Variants in POMK observed in about 807,000 individuals in gnomAD.
POMK encodes the protein Sugen kinase 196.
POMK carries 19 observed loss-of-function variants against 23.0 expected under a neutral mutation model. The ratio of observed to expected loss-of-function variants is 0.83; its 90% CI spans 0.58 to 1.21. The LOEUF (loss-of-function observed/expected upper bound fraction) is 1.21. Among genes scored for constraint, POMK ranks in the 50% most tolerant of loss-of-function variants. POMK has a pLI of 0.00. For missense variants in POMK, 410 were observed against 431.3 expected (o/e 0.95, Z 0.44); for synonymous variants, 173 against 171.6 (o/e 1.01, Z -0.06).
intron 4 of POMK, among the ~76,000 whole-genome samples, chr8:43,110,758 A>G (rs1260333505): frequency 6.6e-6 from 1 of 152,180 alleles, no homozygotes; most frequent in Non-Finnish European, 1.5e-5. Flanking sequence ...TATTAGAAAT[A>G]CTAATATTAG....
intron 4 of POMK, among the ~76,000 whole-genome samples, chr8:43,119,542 C>T (rs1332228927): frequency 2.0e-5 from 3 of 148,558 alleles, no homozygotes; most frequent in East Asian, 2.0e-4. Flanking sequence ...AAGCAATTCT[C>T]CTGCCTCAGC....
chr8:43,115,166 C>CT (rs1436440659), intron 4 of POMK, among the ~76,000 whole-genome samples: 7 of 152,194 alleles, frequency 4.6e-5, no homozygotes, highest in African/African-American at 1.7e-4. Flanking sequence ...CATGAACAGT[C>CT]TGTTTAAAGC....
intron 4 of POMK, among the ~76,000 whole-genome samples, chr8:43,115,769 G>C (rs952423133): frequency 6.6e-6 from 1 of 152,172 alleles, no homozygotes; most frequent in Non-Finnish European, 1.5e-5. Flanking sequence ...AAAATCCTTT[G>C]GTGCTCTCTG....
At chr8:43,119,607 G>A (rs1054527566) in intron 4 of POMK, among the ~76,000 whole-genome samples, 1 of 151,830 alleles carries the variant, frequency 6.6e-6, no homozygotes, top group Non-Finnish European at 1.5e-5. Context: ...TAATTATTTT[G>A]TATTTTTAGT....
At chr8:43,107,213 GAAAA>G (rs888849946) in intron 4 of POMK, among the ~76,000 whole-genome samples, 49 of 146,942 alleles carry the variant, frequency 3.3e-4, no homozygotes, top group Non-Finnish European at 6.0e-4. Context: ...CTAAATTGAA[GAAAA>G]AAAAAACTAA....
intron 4 of POMK, 56 bp downstream of exon 4, chr8:43,103,886 G>A (rs964120858): frequency 4.4e-5 from 69 of 1,552,982 alleles, no homozygotes; most frequent in Non-Finnish European, 5.4e-5. Context: ...TTAACACAGT[G>A]TCCTCCAGCT....
chr8:43,118,537 G>GTATTT (rs1370078510), intron 4 of POMK, among the ~76,000 whole-genome samples: 1 of 152,174 alleles, frequency 6.6e-6, no homozygotes, highest in Non-Finnish European at 1.5e-5. Context: ...AAAAAGTAAA[G>GTATTT]TATTTTAACT....
chr8:43,105,301 T>G (rs928998117), intron 4 of POMK, among the ~76,000 whole-genome samples: 2 of 152,218 alleles, frequency 1.3e-5, no homozygotes, highest in African/African-American at 4.8e-5. Context: ...AGCTGTAATT[T>G]TGTATCCTTT....
At chr8:43,107,628 C>G (rs956331815) in intron 4 of POMK, among the ~76,000 whole-genome samples, 1 of 151,846 alleles carries the variant, frequency 6.6e-6, no homozygotes, top group Non-Finnish European at 1.5e-5. Flanking sequence ...CTGCCTTGGT[C>G]TCCCAAAGTG....
chr8:43,107,794 C>T (rs955239643), intron 4 of POMK, among the ~76,000 whole-genome samples: 2 of 152,238 alleles, frequency 1.3e-5, no homozygotes, highest in African/African-American at 2.4e-5. Flanking sequence ...AATTCTTCTG[C>T]CTCAGCCTCT....
intron 4 of POMK, among the ~76,000 whole-genome samples, chr8:43,114,434 C>T (rs903069412): frequency 7.2e-5 from 11 of 152,268 alleles, no homozygotes; most frequent in East Asian, 1.9e-4. Context: ...ATATAATCTC[C>T]TGGTGTGCCG....
At chr8:43,108,114 G>GT (rs1270494668) in intron 4 of POMK, among the ~76,000 whole-genome samples, 12 of 152,180 alleles carry the variant, frequency 7.9e-5, no homozygotes, top group African/African-American at 2.7e-4. Context: ...TATGAGTTGG[G>GT]TAAGTTCCTC....
At chr8:43,102,140 T>C (rs1171579289) in intron 2 of POMK, among the ~76,000 whole-genome samples, 1 of 152,242 alleles carries the variant, frequency 6.6e-6, no homozygotes, top group African/African-American at 2.4e-5. Flanking sequence ...TTATTGTCTG[T>C]CTTCCCCACT....
chr8:43,107,551 T>G (rs1486251875), intron 4 of POMK, among the ~76,000 whole-genome samples: 1 of 151,796 alleles, frequency 6.6e-6, no homozygotes, highest in Non-Finnish European at 1.5e-5. Context: ...ATTTTTGTAT[T>G]TTTAGTAGAG....
chr8:43,105,148 A>G (rs1334196331), intron 4 of POMK, among the ~76,000 whole-genome samples: 3 of 152,200 alleles, frequency 2.0e-5, no homozygotes, highest in Non-Finnish European at 4.4e-5. Context: ...ATCAGGGCAT[A>G]TCTGCCATCT....
At chr8:43,101,453 A>C (rs900786942) in intron 2 of POMK, among the ~76,000 whole-genome samples, 4 of 151,678 alleles carry the variant, frequency 2.6e-5, no homozygotes, top group Non-Finnish European at 5.9e-5. Context: ...AAAATCATAG[A>C]ATTTTGGAGA....
chr8:43,109,814 A>G (rs577854279), intron 4 of POMK, among the ~76,000 whole-genome samples: 1 of 152,044 alleles, frequency 6.6e-6, no homozygotes, highest in Non-Finnish European at 1.5e-5. Context: ...GTGTTGGTAT[A>G]ACAGGCGTGA....
intron 2 of POMK, among the ~76,000 whole-genome samples, chr8:43,101,077 G>A (rs1045844983): frequency 6.6e-6 from 1 of 152,054 alleles, no homozygotes; most frequent in East Asian, 1.9e-4. Context: ...ATGTGTTGAG[G>A]TTCCAGGGAA....
chr8:43,096,686 G>T (rs549358591), intron 1 of POMK, among the ~76,000 whole-genome samples: 2 of 150,182 alleles, frequency 1.3e-5, no homozygotes, highest in East Asian at 4.0e-4. Context: ...AAAGAAAAAA[G>T]AAAAAAAAGA....
Sources: allele counts gnomAD v4.1 joint callset (sites outside exome capture counted in the v4.1 genomes callset), GRCh38; gene constraint gnomAD v4.1.1; transcripts MANE v1.5; gene names NCBI Gene and HGNC (gene_info 2026-07-23, HGNC 2026-07-21).